The following FOXP2 variants were observed in gnomAD, a reference collection of about 807,000 sequenced individuals.
FOXP2 encodes forkhead box P2.
Under a neutral mutation model 115.8 loss-of-function variants are expected in FOXP2, and 12 were observed. The observed-to-expected ratio is 0.10, with a 90% CI of 0.07 to 0.17. FOXP2 has a LOEUF of 0.17. Among genes scored for constraint, FOXP2 ranks in the 10% least tolerant of loss-of-function variants. The pLI, the probability that FOXP2 is intolerant of heterozygous loss-of-function variation, is 1.00. For missense variants in FOXP2, 629 were observed against 843.5 expected, an observed-to-expected ratio of 0.75 and a Z score of 3.15; for synonymous variants, 328 against 297.7, an observed-to-expected ratio of 1.10 and a Z score of -1.05.
At chr7:114,452,518 A>G (rs1795117023) in intron 2 of FOXP2, among the ~76,000 whole-genome samples, 1 of 152,052 alleles carries the variant, frequency 6.6e-6, no homozygotes, top group Non-Finnish European at 1.5e-5. Flanking sequence ...TTGAAAATTG[A>G]TTGATTAGTG....
intron 2 of FOXP2, among the ~76,000 whole-genome samples, chr7:114,441,860 C>T (rs1794621345): frequency 6.6e-6 from 1 of 152,074 alleles, no homozygotes; most frequent in Non-Finnish European, 1.5e-5. Context: ...CAGGCAATAA[C>T]AAGTGTTGAC....
At chr7:114,297,940 T>G (rs1433009286) in intron 2 of FOXP2, among the ~76,000 whole-genome samples, 1 of 152,216 alleles carries the variant, frequency 6.6e-6, no homozygotes, top group Non-Finnish European at 1.5e-5. Context: ...TGTATACTTA[T>G]CTTCATTATT....
At chr7:114,327,951 C>T (rs1797599522) in intron 2 of FOXP2, among the ~76,000 whole-genome samples, 1 of 150,942 alleles carries the variant, frequency 6.6e-6, no homozygotes, top group Admixed American at 6.6e-5. Context: ...GATAGAGCCT[C>T]ACTCTGTCAC....
intron 1 of FOXP2, among the ~76,000 whole-genome samples, chr7:114,270,773 T>G (rs1796014994): frequency 6.6e-6 from 1 of 152,142 alleles, no homozygotes; most frequent in South Asian, 2.1e-4. Flanking sequence ...CTTCCCATTC[T>G]TTTGTCTTGA....
chr7:114,676,098 T>TAA (rs1489691588), intron 16 of FOXP2, among the ~76,000 whole-genome samples: 51 of 144,334 alleles, frequency 3.5e-4, no homozygotes, highest in Non-Finnish European at 6.8e-4. Flanking sequence ...TTTTTTTTTT[T>TAA]TTGTATTTTT....
intron 2 of FOXP2, among the ~76,000 whole-genome samples, chr7:114,322,127 A>G (rs966814409): frequency 6.6e-6 from 1 of 150,880 alleles, no homozygotes; most frequent in Non-Finnish European, 1.5e-5. Flanking sequence ...GGCTCAAGCA[A>G]TCCCCCTGCC....
intron 16 of FOXP2, among the ~76,000 whole-genome samples, chr7:114,681,484 G>A (rs893622735): frequency 6.6e-6 from 1 of 152,108 alleles, no homozygotes. Flanking sequence ...TGTGATGCAG[G>A]CCTGGATCAA....
chr7:114,544,763 C>T (rs1282354296), intron 3 of FOXP2, among the ~76,000 whole-genome samples: 1 of 152,146 alleles, frequency 6.6e-6, no homozygotes, highest in Non-Finnish European at 1.5e-5. Context: ...TACCTTCTTC[C>T]CATAGTATCC....
chr7:114,466,135 GC>G (rs1432267285), intron 2 of FOXP2, among the ~76,000 whole-genome samples: 1 of 152,032 alleles, frequency 6.6e-6, no homozygotes, highest in African/African-American at 2.4e-5. Context: ...TGACAAAATG[GC>G]CCTTACTGAT....
At chr7:114,346,310 G>A (rs937064125) in intron 2 of FOXP2, among the ~76,000 whole-genome samples, 8 of 151,890 alleles carry the variant, frequency 5.3e-5, no homozygotes, top group African/African-American at 1.9e-4. Context: ...GTTTATTGCA[G>A]TGCTATTTGC....
intron 2 of FOXP2, among the ~76,000 whole-genome samples, chr7:114,488,173 C>G (rs1431445625): frequency 6.6e-6 from 1 of 152,120 alleles, no homozygotes; most frequent in Non-Finnish European, 1.5e-5. Flanking sequence ...AGCACATGTG[C>G]AAATGAACTC....
intron 2 of FOXP2, among the ~76,000 whole-genome samples, chr7:114,304,852 T>C (rs1231760493): frequency 6.6e-6 from 1 of 152,028 alleles, no homozygotes; most frequent in Non-Finnish European, 1.5e-5. Flanking sequence ...GAAATGTTTC[T>C]GAAACAACGT....
chr7:114,175,163 A>G (rs1793255250), intron 1 of FOXP2, among the ~76,000 whole-genome samples: 1 of 152,102 alleles, frequency 6.6e-6, no homozygotes, highest in African/African-American at 2.4e-5. Flanking sequence ...TGTTTTCTCT[A>G]TATTTCTTCT....
chr7:114,163,963 A>G (rs1792904698), intron 1 of FOXP2, among the ~76,000 whole-genome samples: 1 of 152,240 alleles, frequency 6.6e-6, no homozygotes, highest in Non-Finnish European at 1.5e-5. Flanking sequence ...TTCAAATTCT[A>G]CAGTAGAAAA....
At chr7:114,138,519 G>A (rs1283848441) in intron 1 of FOXP2, among the ~76,000 whole-genome samples, 2 of 151,692 alleles carry the variant, frequency 1.3e-5, no homozygotes, top group Non-Finnish European at 1.5e-5. Context: ...AGCCTCCCGA[G>A]TAGCTGGGAT....
chr7:114,386,564 G>A (rs1792459644), intron 2 of FOXP2, among the ~76,000 whole-genome samples: 1 of 152,180 alleles, frequency 6.6e-6, no homozygotes, highest in South Asian at 2.1e-4. Flanking sequence ...GCAGACCGTG[G>A]GAGTCATATT....
chr7:114,530,389 G>T (rs1799083957), intron 2 of FOXP2, among the ~76,000 whole-genome samples: 1 of 151,822 alleles, frequency 6.6e-6, no homozygotes, highest in Admixed American at 6.6e-5. Context: ...TTTATACATT[G>T]AAGATATTAA....
intron 1 of FOXP2, among the ~76,000 whole-genome samples, chr7:114,232,533 G>T (rs188644184): frequency 2.0e-5 from 3 of 152,254 alleles, no homozygotes; most frequent in Admixed American, 2.0e-4. Context: ...TGTTTAGCAG[G>T]CCCGGCAGGG....
At chr7:114,586,805 G>A (rs1802157808) in intron 3 of FOXP2, among the ~76,000 whole-genome samples, 1 of 151,852 alleles carries the variant, frequency 6.6e-6, no homozygotes, top group East Asian at 1.9e-4. Context: ...ATTCCAAACA[G>A]TAGGTTTTTT....
Sources: allele counts gnomAD v4.1 joint callset (sites outside exome capture counted in the v4.1 genomes callset), GRCh38; gene constraint gnomAD v4.1.1; transcripts MANE v1.5; gene names NCBI Gene and HGNC (gene_info 2026-07-23, HGNC 2026-07-21).